Variants in RUVBL1 observed in about 807,000 individuals in gnomAD.
The protein encoded by RUVBL1 is RuvB like AAA ATPase 1.
Under a neutral mutation model 52.4 loss-of-function variants are expected in RUVBL1, and 4 were observed. The observed-to-expected ratio is 0.08, with a 90% CI of 0.04 to 0.17. RUVBL1 has a LOEUF of 0.17. Ranked by LOEUF, RUVBL1 falls within the 10% of genes least tolerant of loss-of-function variation. The pLI is 1.00. For missense variants in RUVBL1, 298 were observed against 572.8 expected (o/e 0.52, Z 4.90); for synonymous variants, 217 against 214.4 (o/e 1.01, Z -0.10).
chr3:128,068,942 G>A (rs1248470385), intron 9 of RUVBL1: 1 of 152,322 alleles, frequency 6.6e-6, no homozygotes, highest in Non-Finnish European at 1.5e-5. Flanking sequence ...GGAAAAGCCA[G>A]AATTGCAAAC....
intron 1 of RUVBL1, among the ~76,000 whole-genome samples, chr3:128,146,309 C>T (rs1157487440): frequency 3.3e-5 from 5 of 151,788 alleles, no homozygotes; most frequent in Admixed American, 6.6e-5. Flanking sequence ...TGTGCATGTG[C>T]GTGCGTCTGT....
At chr3:128,150,854 A>G (rs1263780290) in intron 1 of RUVBL1, among the ~76,000 whole-genome samples, 3 of 79,722 alleles carry the variant, frequency 3.8e-5, no homozygotes, top group Non-Finnish European at 6.4e-5. Flanking sequence ...TATATTCTAT[A>G]TATTATATAT....
intron 8 of RUVBL1, among the ~76,000 whole-genome samples, chr3:128,088,627 G>C (rs2107677123): frequency 6.6e-6 from 1 of 151,184 alleles, no homozygotes. Flanking sequence ...TTTTGAGACT[G>C]GGTCTTGTTC....
chr3:128,125,307 G>A (rs899612686), upstream of RUVBL1, among the ~76,000 whole-genome samples: 2 of 151,944 alleles, frequency 1.3e-5, no homozygotes, highest in African/African-American at 2.4e-5. Flanking sequence ...GAGCCACCGC[G>A]CCCGGCCTCT....
chr3:128,088,080 G>C (rs1032387429), intron 8 of RUVBL1, among the ~76,000 whole-genome samples: 2 of 152,010 alleles, frequency 1.3e-5, no homozygotes, highest in Non-Finnish European at 2.9e-5. Context: ...TGGCCAACAT[G>C]TTGAAACCCC....
At chr3:128,140,725 A>T (rs1944009420) in intron 1 of RUVBL1, among the ~76,000 whole-genome samples, 1 of 152,198 alleles carries the variant, frequency 6.6e-6, no homozygotes, top group African/African-American at 2.4e-5. Context: ...ATTATCATGG[A>T]GCATATATAA....
chr3:128,116,528 CAAAAAA>C (rs56800760), intron 2 of RUVBL1, among the ~76,000 whole-genome samples: 1 of 99,326 alleles, frequency 1.0e-5, no homozygotes, highest in African/African-American at 3.5e-5. Flanking sequence ...GACTTCATCT[CAAAAAA>C]AAAAAAAAAA....
intron 4 of RUVBL1, 54 bp from the exon 5 acceptor site, chr3:128,101,702 C>T: frequency 5.8e-6 from 9 of 1,559,880 alleles, no homozygotes; most frequent in Non-Finnish European, 7.9e-6. Flanking sequence ...TTCCTTCTGA[C>T]ACCATGTAAG....
At chr3:128,131,730 C>T (rs1475829110) in intron 1 of RUVBL1, among the ~76,000 whole-genome samples, 1 of 152,152 alleles carries the variant, frequency 6.6e-6, no homozygotes, top group Non-Finnish European at 1.5e-5. Flanking sequence ...AAAAGCCCCA[C>T]ATGATCAACT....
rs761018484 is a variant in RUVBL1 at position 128,123,743 on chromosome 3, TAAAACCAGCGTGG to T, written c.-32_-20del. ...TCTTCATTTTGCAGACGCCGGGAGC[TAAAACCAGCGTGG>T]AAAACCAGCAGCTAGGACAGTGCGC... is the stretch of plus-strand genomic sequence containing the variant. On this transcript the variant is annotated 5_prime_UTR_variant, in exon 1 of 11. Coordinates refer to ENST00000322623, the MANE Select transcript of RUVBL1 (RefSeq NM_003707.3). The T allele has an allele frequency of 1.4e-5, 23 of 1,587,622 alleles. No individual in the cohort carries two copies. Among genetic ancestry groups the T allele is most frequent in the Admixed American group, 3.4e-5 (2 of 59,374 alleles).
chr3:128,081,161 C>T lies in RUVBL1; in HGVS notation c.*89G>A, dbSNP rs917725149. ...GCAGACCACGCCTGAGTGGGGACGG[C>T]AGCCCCAAGCCCAGGGGCAAGCGCC... On this transcript the variant is annotated 3_prime_UTR_variant, in exon 11 of 11. Coordinates refer to ENST00000322623, the MANE Select transcript of RUVBL1 (RefSeq NM_003707.3). The surrounding 1 kb of genome is among the most constrained non-coding windows in gnomAD (Gnocchi z 4.8). 4.1e-5 allele frequency: 58 copies of T among 1,399,984 alleles called. No individual in the cohort carries two copies. The Middle Eastern group carries it at 7.0e-4, about 17-fold the overall frequency. 86.7% of individuals were successfully genotyped at this position (1,399,984 alleles called of 1,614,324 possible). A position where few individuals can be genotyped will look rare whatever the true frequency, so the allele number is the denominator to read the frequency against.
chr3:128,065,116 C>T, exon 10 of RUVBL1: 1 of 1,367,664 alleles, frequency 7.3e-7, no homozygotes, highest in South Asian at 1.2e-5. Context: ...GTCCCCCACT[C>T]TGTGGGGTGC....
At chr3:128,144,466 C>A (rs1245129579) in intron 1 of RUVBL1, among the ~76,000 whole-genome samples, 1 of 152,224 alleles carries the variant, frequency 6.6e-6, no homozygotes, top group Non-Finnish European at 1.5e-5. Flanking sequence ...GTTCTGCAGG[C>A]TGTTTCCCGT....
intron 9 of RUVBL1, chr3:128,069,493 C>T (rs769538360): frequency 6.2e-7 from 1 of 1,612,438 alleles, no homozygotes. Flanking sequence ...CCCACAGCCG[C>T]GGCCTTTGGT....
intron 1 of RUVBL1, among the ~76,000 whole-genome samples, chr3:128,152,720 G>C (rs556526270): frequency 1.5e-3 from 225 of 152,194 alleles, no homozygotes; most frequent in African/African-American, 5.0e-3. Flanking sequence ...ATGGAGCCGC[G>C]GACCTTCGCA....
intron 9 of RUVBL1, among the ~76,000 whole-genome samples, chr3:128,065,732 A>ATTTTTTTTTTTTTT (rs758640768): frequency 2.1e-5 from 2 of 97,528 alleles, no homozygotes; most frequent in Non-Finnish European, 1.9e-5. Context: ...ATCATTAAGA[A>ATTTTTTTTTTTTTT]TTTTTTTTTT....
At chr3:128,115,160 G>A (rs7650365) in intron 2 of RUVBL1, among the ~76,000 whole-genome samples, 53,499 of 151,946 alleles carry the variant, frequency 0.35, 11,494 homozygotes, top group Non-Finnish European at 0.48. Context: ...TGATCATCTA[G>A]TTTGTATTTT....
At chr3:128,146,566 G>A (rs761454407) in intron 1 of RUVBL1, among the ~76,000 whole-genome samples, 26 of 151,106 alleles carry the variant, frequency 1.7e-4, no homozygotes, top group Admixed American at 7.3e-4. Flanking sequence ...GTGCATGTGC[G>A]TCTGTGTATC....
At chr3:128,137,353 G>T (rs1943963146) in intron 1 of RUVBL1, among the ~76,000 whole-genome samples, 1 of 152,006 alleles carries the variant, frequency 6.6e-6, no homozygotes. Context: ...CAGATGAAAA[G>T]GGAGACATTA....
Sources: gnomAD v4.1 joint callset for allele counts (sites outside exome capture counted in the v4.1 genomes callset) on GRCh38, gnomAD v4.1.1 for gene constraint, Gnocchi (gnomAD v3.1) non-coding constraint, MANE v1.5 for transcripts, NCBI Gene and HGNC (gene_info 2026-07-23, HGNC 2026-07-21) for gene names.